The following HDAC4 variants were observed in gnomAD, a reference collection of about 807,000 sequenced individuals.
The protein encoded by HDAC4 is histone deacetylase 4, also known as histone deacetylase A.
A neutral mutation model predicts 135.1 loss-of-function variants in HDAC4; 16 were observed. The observed-to-expected ratio is 0.12, with a 90% CI of 0.08 to 0.18. The LOEUF (loss-of-function observed/expected upper bound fraction) is 0.18. Among genes scored for constraint, HDAC4 ranks in the 10% least tolerant of loss-of-function variants. The probability of loss-of-function intolerance (pLI) is 1.00; values close to 1 mark genes in which losing one functional copy is unlikely to be tolerated. For synonymous variants in HDAC4, 685 were observed against 653.4 expected, an observed-to-expected ratio of 1.05 and a Z score of -0.74; for missense variants, 1,143 against 1,511.8, an observed-to-expected ratio of 0.76 and a Z score of 4.05.
intron 1 of HDAC4, among the ~76,000 whole-genome samples, chr2:239,386,003 G>A (rs1695777101): frequency 1.3e-5 from 2 of 152,212 alleles, no homozygotes; most frequent in South Asian, 4.1e-4. Context: ...CAGACCCAAG[G>A]ATGAGGGAGA....
chr2:239,098,084 C>T (rs951416047), intron 16 of HDAC4, among the ~76,000 whole-genome samples: 4 of 152,188 alleles, frequency 2.6e-5, no homozygotes, highest in East Asian at 1.9e-4. Flanking sequence ...ACAAGTCATC[C>T]GACTGTTTTG....
chr2:239,282,870 C>T (rs1397613947), intron 2 of HDAC4, among the ~76,000 whole-genome samples: 1 of 151,282 alleles, frequency 6.6e-6, no homozygotes, highest in Non-Finnish European at 1.5e-5. Flanking sequence ...GTACACACCA[C>T]TCTCCATGTA....
At chr2:239,203,981 G>C (rs1267220169) in intron 3 of HDAC4, among the ~76,000 whole-genome samples, 2 of 152,182 alleles carry the variant, frequency 1.3e-5, no homozygotes, top group Non-Finnish European at 2.9e-5. Context: ...CACAGCTCCT[G>C]GTTAGGAGTC....
intron 20 of HDAC4, among the ~76,000 whole-genome samples, chr2:239,082,466 C>T: frequency 6.6e-6 from 1 of 152,252 alleles, no homozygotes; most frequent in East Asian, 1.9e-4. Flanking sequence ...GTTTCCCTCG[C>T]CCTTAGCGCC....
At chr2:239,097,847 T>TTGGTGAG (rs1410171002) in intron 16 of HDAC4, among the ~76,000 whole-genome samples, 1 of 152,186 alleles carries the variant, frequency 6.6e-6, no homozygotes, top group Admixed American at 6.5e-5. Context: ...GGTCATGGCC[T>TTGGTGAG]TGGTGAGTGG....
Position 239,395,578 on chromosome 2 carries a change from A to T in HDAC4, c.-220+5400T>A, listed in dbSNP as rs577327395. 6.4e-3 allele frequency among the ~76,000 whole-genome samples: 980 copies of T among 152,312 alleles called. 8 individuals are homozygous for T. Among genetic ancestry groups the T allele is most frequent in the African/African-American group, 0.022 (898 of 41,558 alleles). On this transcript the variant is annotated intron_variant, in intron 1 of 26. Transcript: ENST00000543185. ...AAAGTAATACACGCTTACCAAAAGAATCTCTACAATACCACCATGTATAAA... is the reference window on the plus strand; with the variant it reads ...AAAGTAATACACGCTTACCAAAAGATTCTCTACAATACCACCATGTATAAA...
chr2:239,094,626 G>T (rs922124946), intron 17 of HDAC4: 135 of 1,138,842 alleles, frequency 1.2e-4, no homozygotes, highest in Non-Finnish European at 1.4e-4. Flanking sequence ...CTGTAGCTTC[G>T]GGTGGAAACT....
chr2:239,358,496 G>A (rs1194059401), intron 1 of HDAC4, among the ~76,000 whole-genome samples: 2 of 152,212 alleles, frequency 1.3e-5, no homozygotes, highest in African/African-American at 4.8e-5. Flanking sequence ...AGGGAACCCT[G>A]GATCCATGTT....
At chr2:239,357,069 C>T (rs542940212) in intron 1 of HDAC4, among the ~76,000 whole-genome samples, 2 of 152,240 alleles carry the variant, frequency 1.3e-5, no homozygotes, top group East Asian at 1.9e-4. Flanking sequence ...GCTGAATACA[C>T]GTTATTCACG....
At chr2:239,319,757 A>C (rs982199756) in intron 2 of HDAC4, among the ~76,000 whole-genome samples, 2 of 152,252 alleles carry the variant, frequency 1.3e-5, no homozygotes, top group Non-Finnish European at 2.9e-5. Flanking sequence ...ACAGGCAGAA[A>C]CCTGGTTCTC....
At chr2:239,204,110 A>G (rs576819952) in intron 3 of HDAC4, among the ~76,000 whole-genome samples, 17 of 152,304 alleles carry the variant, frequency 1.1e-4, no homozygotes, top group Admixed American at 3.3e-4. Flanking sequence ...TAAACCTCAT[A>G]TTCCTGTGTA....
Position 239,139,350 on chromosome 2 carries a change from C to T in HDAC4, c.978+334G>A, listed in dbSNP as rs1310873235. 6.6e-6 allele frequency among the ~76,000 whole-genome samples: 1 copy of T among 152,176 alleles called. No homozygotes were observed. Among genetic ancestry groups the T allele is most frequent in the Non-Finnish European group, 1.5e-5 (1 of 68,042 alleles). On this transcript the variant is annotated intron_variant, in intron 9 of 26. Coordinates refer to ENST00000543185, the MANE Select transcript of HDAC4 (RefSeq NM_001378414.1). This position sits in a 1 kb window ranked among gnomAD's most constrained non-coding sequence, Gnocchi z 5.3. The stretch of plus-strand genomic sequence containing the variant: ...GCGAGCTGGGCAGCAGGGATCCTGT[C>T]CACCTAGAGCACCTGCCATGCGTGG...
At chr2:239,054,029 G>A (rs2031355859) in intron 25 of HDAC4, among the ~76,000 whole-genome samples, 1 of 152,006 alleles carries the variant, frequency 6.6e-6, no homozygotes, top group African/African-American at 2.4e-5. Flanking sequence ...CCCTCACAGA[G>A]GCTGGGGGTG....
rs547361618 is a variant in HDAC4 at position 239,326,387 on chromosome 2, G to C, written c.22+26291C>G. ...GGGAGGGAAACAGGATTGTTTACTA[G>C]GTATGGAGTTTCTGTTCGGGAAGAT... On this transcript the variant is annotated intron_variant, in intron 2 of 26. Transcript: ENST00000543185. 5.2e-3 allele frequency among the ~76,000 whole-genome samples: 799 copies of C among 152,322 alleles called. 12 individuals are homozygous for C. Among genetic ancestry groups the C allele is most frequent in the Non-Finnish European group, 5.3e-3 (363 of 68,026 alleles).
At chr2:239,084,459 G>GCACACA (rs1491342004) in intron 19 of HDAC4, among the ~76,000 whole-genome samples, 125 of 73,174 alleles carry the variant, frequency 1.7e-3, no homozygotes, top group African/African-American at 4.8e-3. Context: ...TCACACGCGT[G>GCACACA]CGCGCGCACA....
chr2:239,347,050 C>T (rs1692766065), intron 2 of HDAC4, among the ~76,000 whole-genome samples: 2 of 151,810 alleles, frequency 1.3e-5, no homozygotes, highest in Admixed American at 6.6e-5. Context: ...CCCTGATTCA[C>T]ACACATACAA....
intron 2 of HDAC4, among the ~76,000 whole-genome samples, chr2:239,334,791 G>A (rs180844400): frequency 6.6e-6 from 1 of 152,094 alleles, no homozygotes; most frequent in Non-Finnish European, 1.5e-5. Flanking sequence ...GGGAGGCCGA[G>A]GCAGGTGGAT....
chr2:239,254,619 A>T (rs1184810482), intron 2 of HDAC4, among the ~76,000 whole-genome samples: 2 of 152,248 alleles, frequency 1.3e-5, no homozygotes, highest in Non-Finnish European at 2.9e-5. Context: ...ATGCAGCACA[A>T]AGATAGGAAA....
chr2:239,298,610 A>C (rs1258144158), intron 2 of HDAC4: 1 of 998,720 alleles, frequency 1.0e-6, no homozygotes. Flanking sequence ...ACACAGGATC[A>C]GCAGTGATAG....
Sources: allele counts gnomAD v4.1 joint callset (sites outside exome capture counted in the v4.1 genomes callset), GRCh38; gene constraint gnomAD v4.1.1; non-coding constraint Gnocchi (gnomAD v3.1); transcripts MANE v1.5; gene names NCBI Gene and HGNC (gene_info 2026-07-23, HGNC 2026-07-21).